PCDHA8: variants seen among roughly 807,000 people sequenced by gnomAD.
The protein encoded by PCDHA8 is protocadherin alpha 8, also known as protocadherin alpha-8.
Under a neutral mutation model 61.8 loss-of-function variants are expected in PCDHA8, and 53 were observed. The ratio of observed to expected loss-of-function variants is 0.86; its 90% CI spans 0.69 to 1.08. The LOEUF (loss-of-function observed/expected upper bound fraction) is 1.08, where lower values mean the gene tolerates loss of function less well. Among genes scored for constraint, PCDHA8 ranks in the 50% least tolerant of loss-of-function variants. The probability of loss-of-function intolerance (pLI) is 0.00; values close to 1 mark genes in which losing one functional copy is unlikely to be tolerated. For missense variants in PCDHA8, 1,293 were observed against 1,245.0 expected (o/e 1.04, Z -0.58); for synonymous variants, 618 against 556.6 (o/e 1.11, Z -1.55).
intron 1 of PCDHA8, among the ~76,000 whole-genome samples, chr5:140,847,064 A>G (rs1159869188): frequency 1.3e-5 from 2 of 149,866 alleles, no homozygotes; most frequent in Non-Finnish European, 3.0e-5. Flanking sequence ...AGAAAGCATC[A>G]ATATGACAAG....
intron 1 of PCDHA8, among the ~76,000 whole-genome samples, chr5:140,965,094 A>G (rs1289535686): frequency 6.6e-6 from 1 of 152,236 alleles, no homozygotes; most frequent in Non-Finnish European, 1.5e-5. Context: ...TCCAGTCCAT[A>G]GCTAGAAAAT....
In PCDHA8 at chr5:140,856,469, A is replaced by G. The variant is rs868928248; in HGVS notation, c.2394+12754A>G. 8.8e-6 allele frequency: 14 copies of G among 1,598,158 alleles called. 1 individual carries two copies. The highest frequency in any genetic ancestry group is 1.2e-5 in the Non-Finnish European group (14 of 1,167,896). ...CTCCGTAACAGAACAAAAGCTCTCA[A>G]TACCTGAATCCAGACTGCTTGACTC... is the stretch of plus-strand genomic sequence containing the variant. On this transcript the variant is annotated intron_variant, in intron 1 of 3. Transcript: ENST00000531613.
chr5:141,009,760 A>G lies in PCDHA8; in HGVS notation c.2676A>G (p.Gly892=), dbSNP rs782167920. The change falls in exon 4 of 4, where the codon GGA becomes GGG. Residue 892 remains glycine, a synonymous_variant. Coordinates refer to ENST00000531613, the MANE Select transcript of PCDHA8 (RefSeq NM_018911.3). ...GELPDKFIIP[G]SPAIISIRQE... ...TGCCCGACAAATTCATTATCCCAGGATCTCCTGCAATCATCTCCATCCGGC... is the reference window on the plus strand; with the variant it reads ...TGCCCGACAAATTCATTATCCCAGGGTCTCCTGCAATCATCTCCATCCGGC... 6.2e-7 allele frequency: 1 copy of G among 1,614,130 alleles called. No homozygotes were observed. Among genetic ancestry groups the G allele is most frequent in the Non-Finnish European group, 8.5e-7 (1 of 1,180,026 alleles).
At chr5:140,971,221 G>A (rs1234658755) in intron 1 of PCDHA8, among the ~76,000 whole-genome samples, 1 of 152,082 alleles carries the variant, frequency 6.6e-6, no homozygotes, top group East Asian at 1.9e-4. Flanking sequence ...TCCCTCTCCT[G>A]ACTCAAAGCT....
At chr5:140,965,103 A>G (rs1453303865) in intron 1 of PCDHA8, among the ~76,000 whole-genome samples, 1 of 152,234 alleles carries the variant, frequency 6.6e-6, no homozygotes, top group Non-Finnish European at 1.5e-5. Context: ...TAGCTAGAAA[A>G]TGACCCATAG....
intron 1 of PCDHA8, chr5:140,882,976 T>G: frequency 1.2e-6 from 2 of 1,614,220 alleles, no homozygotes; most frequent in Non-Finnish European, 1.7e-6. Flanking sequence ...TGGACGTGAA[T>G]GACAACGCCC....
intron 3 of PCDHA8, among the ~76,000 whole-genome samples, chr5:141,000,351 G>GTC: frequency 1.5e-5 from 1 of 66,852 alleles, no homozygotes; most frequent in Non-Finnish European, 2.9e-5. Flanking sequence ...CTCTCTCTCT[G>GTC]TCTCTCTCTG....
At chr5:141,006,637 T>C (rs782585273) in intron 3 of PCDHA8, among the ~76,000 whole-genome samples, 8 of 152,118 alleles carry the variant, frequency 5.3e-5, no homozygotes, top group Non-Finnish European at 1.2e-4. Flanking sequence ...GCAATTCATA[T>C]AAGAGATGAT....
chr5:140,848,422 G>C, intron 1 of PCDHA8: 1 of 1,425,074 alleles, frequency 7.0e-7, no homozygotes, highest in Middle Eastern at 1.8e-4. Flanking sequence ...AGCAGAATGG[G>C]ACTGACGAAA....
chr5:140,868,999 T>A (rs976594778), intron 1 of PCDHA8: 72 of 1,518,578 alleles, frequency 4.7e-5, no homozygotes, highest in African/African-American at 4.5e-4. Flanking sequence ...CGTTTAAGGA[T>A]CCTTTGAAAC....
chr5:140,943,435 A>G (rs941814689), intron 1 of PCDHA8, among the ~76,000 whole-genome samples: 2 of 152,148 alleles, frequency 1.3e-5, no homozygotes, highest in African/African-American at 4.8e-5. Flanking sequence ...AATATGATAT[A>G]AAGGATAGAA....
intron 1 of PCDHA8, chr5:140,968,823 A>T (rs569036779): frequency 1.2e-6 from 2 of 1,614,192 alleles, no homozygotes; most frequent in Non-Finnish European, 8.5e-7. Context: ...AGGGTTTCCA[A>T]AATCCTCCCT....
intron 1 of PCDHA8, among the ~76,000 whole-genome samples, chr5:140,960,361 T>C (rs1262686301): frequency 2.6e-5 from 4 of 152,194 alleles, no homozygotes; most frequent in Non-Finnish European, 4.4e-5. Context: ...TGAAATAATA[T>C]GCCAACTCTT....
intron 1 of PCDHA8, chr5:140,869,354 T>C (rs782282863): frequency 6.2e-7 from 1 of 1,614,116 alleles, no homozygotes; most frequent in Non-Finnish European, 8.5e-7. Context: ...AATGGCATTT[T>C]GTTTGTGAAT....
At chr5:140,994,562 G>A (rs1554254244) in intron 3 of PCDHA8, among the ~76,000 whole-genome samples, 2 of 152,094 alleles carry the variant, frequency 1.3e-5, no homozygotes, top group Non-Finnish European at 2.9e-5. Context: ...AAAATTAGCC[G>A]GGTGTGGTGG....
At chr5:140,889,302 C>T (rs1323356979) in intron 1 of PCDHA8, among the ~76,000 whole-genome samples, 1 of 151,926 alleles carries the variant, frequency 6.6e-6, no homozygotes, top group Non-Finnish European at 1.5e-5. Flanking sequence ...TTGGAGAACT[C>T]ACTGTTGAAG....
intron 3 of PCDHA8, among the ~76,000 whole-genome samples, chr5:140,982,826 T>C (rs193172264): frequency 1.1e-3 from 157 of 141,010 alleles, no homozygotes; most frequent in African/African-American, 3.0e-3. Context: ...GTTTTTGGGG[T>C]TTGTTTGTTT....
intron 1 of PCDHA8, among the ~76,000 whole-genome samples, chr5:140,844,742 T>C (rs1779524927): frequency 1.3e-5 from 2 of 149,642 alleles, no homozygotes; most frequent in Admixed American, 6.7e-5. Context: ...TTTAGTATTA[T>C]GGGATAAATC....
At chr5:140,967,221 A>G (rs1198233262) in intron 1 of PCDHA8, 3 of 1,613,620 alleles carry the variant, frequency 1.9e-6, no homozygotes, top group African/African-American at 1.3e-5. Context: ...CCGCGGCCCA[A>G]CTACCAGCTT....
Sources: allele counts gnomAD v4.1 joint callset (sites outside exome capture counted in the v4.1 genomes callset), GRCh38; gene constraint gnomAD v4.1.1; transcripts MANE v1.5; gene names NCBI Gene and HGNC (gene_info 2026-07-23, HGNC 2026-07-21).